Variants in PGP observed in about 807,000 individuals in gnomAD.
PGP encodes aspartate-based ubiquitous Mg(2+)-dependent phosphatase.
In PGP, 9 loss-of-function variants were observed where a neutral mutation model predicts 19.3. That is an observed-to-expected ratio of 0.47 (90% CI 0.28 to 0.81). The LOEUF (loss-of-function observed/expected upper bound fraction) is 0.81. Among genes scored for constraint, PGP ranks in the 40% least tolerant of loss-of-function variants. The pLI, the probability that PGP is intolerant of heterozygous loss-of-function variation, is 0.11. For synonymous variants in PGP, 308 were observed against 226.8 expected, an observed-to-expected ratio of 1.36 and a Z score of -3.22; for missense variants, 403 against 479.9, an observed-to-expected ratio of 0.84 and a Z score of 1.50.
Position 2,212,615 on chromosome 16 carries a change from A to G in PGP, c.*1113T>C. 1.0e-6 allele frequency: 1 copy of G among 985,466 alleles called. No individual in the cohort carries two copies. Among genetic ancestry groups the G allele is most frequent in the Non-Finnish European group, 1.2e-6 (1 of 829,936 alleles). 61.0% of individuals were successfully genotyped at this position (985,466 alleles called of 1,614,324 possible). On this transcript the variant is annotated 3_prime_UTR_variant, in exon 2 of 2. Transcript: ENST00000333503. ...CTCTAACCCCTACCCCAGCCTAGGG[A>G]AGGGGAGGACAGGAAGAGACTGGAT...
Position 2,214,752 on chromosome 16 carries a change from T to C in PGP, c.26A>G (p.Asp9Gly), listed in dbSNP as rs1252144033. 214 of 1,179,254 alleles carry C rather than the reference T, an allele frequency of 1.8e-4. No homozygotes were observed. Among genetic ancestry groups the C allele is most frequent in the Non-Finnish European group, 2.1e-4 (199 of 953,556 alleles). The allele number at this position is 1,179,254 out of a possible 1,614,324, so 73.0% of individuals were successfully genotyped here. A position where few individuals can be genotyped will look rare whatever the true frequency, so the allele number is the denominator to read the frequency against. The change falls in exon 1 of 2, where the codon GAC becomes GGC. Residue 9 changes from aspartate (D) to glycine (G), a missense_variant. Coordinates refer to ENST00000333503, the MANE Select transcript of PGP (RefSeq NM_001042371.3). This position sits in a 1 kb window ranked among gnomAD's most constrained non-coding sequence, Gnocchi z 7.1. MAAAEAGGDDARCVRLSAE... is the reference protein window; with the variant it reads MAAAEAGGGDARCVRLSAE... ...GCTCAGCCGCACGCAGCGGGCGTCG[T>C]CGCCACCGGCCTCCGCCGCCGCCAT...
chr16:2,214,650 T>C lies in PGP; in HGVS notation c.128A>G (p.Glu43Gly). The C allele has an allele frequency of 6.9e-7, 1 of 1,442,850 alleles. No individual in the cohort carries two copies. The highest frequency in any genetic ancestry group is 9.1e-7 in the Non-Finnish European group (1 of 1,099,890). 89.4% of individuals were successfully genotyped at this position (1,442,850 alleles called of 1,614,324 possible). ...FDCDGVLWRG[E>G]TAVPGAPEAL... ...CTCGGGCGCGCCAGGCACGGCGGTCTCCCCGCGCCACAGCACGCCGTCGCA... is the reference window on the plus strand; with the variant it reads ...CTCGGGCGCGCCAGGCACGGCGGTCCCCCCGCGCCACAGCACGCCGTCGCA... Residue 43 changes from glutamate (E) to glycine (G), a missense_variant, in exon 1 of 2, where the codon GAG becomes GGG. Physicochemically the swap from Glu to Gly is moderately conservative, Grantham distance 98. Coordinates refer to ENST00000333503, the MANE Select transcript of PGP (RefSeq NM_001042371.3). This position sits in a 1 kb window ranked among gnomAD's most constrained non-coding sequence, Gnocchi z 7.1.
In PGP at chr16:2,211,930, C is replaced by T. The variant is rs928079957; in HGVS notation, c.*1798G>A. The T allele has an allele frequency of 1.1e-5, 11 of 985,426 alleles. No individual in the cohort carries two copies. The highest frequency in any genetic ancestry group is 1.3e-5 in the Non-Finnish European group (11 of 829,998). 61.0% of individuals were successfully genotyped at this position (985,426 alleles called of 1,614,324 possible). On this transcript the variant is annotated 3_prime_UTR_variant, in exon 2 of 2. Coordinates refer to ENST00000333503, the MANE Select transcript of PGP (RefSeq NM_001042371.3). ...CAGTTACCCATCTACTTTGAGTCCT[C>T]CCACCCGTGGTGAGACGGCATCACC...
In PGP at chr16:2,213,155, G is replaced by A; in HGVS notation, c.*573C>T. The stretch of plus-strand genomic sequence containing the variant: ...GTTTTCAAGGAAGTAAGGGAGGTGG[G>A]AGAGTGGTGAGGGCAGCACTTTGCA... On this transcript the variant is annotated 3_prime_UTR_variant, in exon 2 of 2. Coordinates refer to ENST00000333503, the MANE Select transcript of PGP (RefSeq NM_001042371.3). 1.0e-6 allele frequency: 1 copy of A among 985,500 alleles called. No homozygotes were observed. Among genetic ancestry groups the A allele is most frequent in the Non-Finnish European group, 1.2e-6 (1 of 829,942 alleles). 61.0% of individuals were successfully genotyped at this position (985,500 alleles called of 1,614,324 possible).
rs776300620 is a variant in PGP, at chr16:2,213,752, G to A, written c.942C>T (p.Asp314=). ...TTTAACCTTGAAGGGCAGGCAAAAG[G>A]TCGGCTATGCTGTCAACATAGAAGT... ...VPDFYVDSIA[D]LLPALQG Residue 314 remains aspartate (D), a synonymous_variant, in exon 2 of 2, where the codon GAC becomes GAT. Transcript: ENST00000333503. 9.7e-6 allele frequency: 15 copies of A among 1,545,904 alleles called. No individual in the cohort carries two copies. In the Admixed American group the frequency reaches 2.0e-4, roughly 21 times the overall value.
chr16:2,212,303 G>A lies in PGP; in HGVS notation c.*1425C>T, dbSNP rs2093377328. On this transcript the variant is annotated 3_prime_UTR_variant, in exon 2 of 2. Coordinates refer to ENST00000333503, the MANE Select transcript of PGP (RefSeq NM_001042371.3). Reference sequence around the variant, plus strand: ...CTGAAGGCTCAGGACGCCTCTTATTGCTCTGAAGTCTTTGTGACCAAGTGG... The same window carrying A: ...CTGAAGGCTCAGGACGCCTCTTATTACTCTGAAGTCTTTGTGACCAAGTGG... 1 of 985,936 alleles carries A rather than the reference G, an allele frequency of 1.0e-6. No homozygotes were observed. Among genetic ancestry groups the A allele is most frequent in the African/African-American group, 1.7e-5 (1 of 57,250 alleles). 61.1% of individuals were successfully genotyped at this position (985,936 alleles called of 1,614,324 possible). A position where few individuals can be genotyped will look rare whatever the true frequency, so the allele number is the denominator to read the frequency against.
Position 2,214,122 on chromosome 16 carries a change from C to A in PGP, c.640+16G>T. The A allele has an allele frequency of 6.4e-7, 1 of 1,552,038 alleles. No individual in the cohort carries two copies. The highest frequency in any genetic ancestry group is 2.4e-5 in the East Asian group (1 of 41,940). On this transcript the variant is annotated intron_variant, in intron 1 of 1. Coordinates refer to ENST00000333503, the MANE Select transcript of PGP (RefSeq NM_001042371.3). The surrounding 1 kb of genome is among the most constrained non-coding windows in gnomAD (Gnocchi z 7.1). ...CGCCGCCCGCCCCCCAGCCTCCCGCCCCAGGGCGCACGGACCCGCGATGAA... is the reference window on the plus strand; with the variant it reads ...CGCCGCCCGCCCCCCAGCCTCCCGCACCAGGGCGCACGGACCCGCGATGAA...
chr16:2,213,746 C>A lies in PGP; in HGVS notation c.948G>T (p.Leu316Phe). 1 of 1,539,278 alleles carries A rather than the reference C, an allele frequency of 6.5e-7. No homozygotes were observed. Among genetic ancestry groups the A allele is most frequent in the Non-Finnish European group, 8.8e-7 (1 of 1,139,508 alleles). ...DFYVDSIADL[L>F]PALQG is the part of the protein sequence containing the mutation. ...TCAATCTTTAACCTTGAAGGGCAGGCAAAAGGTCGGCTATGCTGTCAACAT... is the reference window on the plus strand; with the variant it reads ...TCAATCTTTAACCTTGAAGGGCAGGAAAAAGGTCGGCTATGCTGTCAACAT... Residue 316 changes from leucine to phenylalanine, a missense_variant, in exon 2 of 2, where the codon TTG becomes TTT. Coordinates refer to ENST00000333503, the MANE Select transcript of PGP (RefSeq NM_001042371.3).
chr16:2,214,094 G>GGGGGGCCCCCCCCCCCC lies in PGP; in HGVS notation c.641-42_641-41insGGGGGGGGGGGGCCCCC. ...GACCGGGTCAAAGGGCAGGGAGGGG[G>GGGGGGCCCCCCCCCCCC]CCCGCCGCCCGCCCCCCAGCCTCCC... On this transcript the variant is annotated intron_variant, in intron 1 of 1. Transcript: ENST00000333503. The surrounding 1 kb of genome is among the most constrained non-coding windows in gnomAD (Gnocchi z 7.1). The GGGGGGCCCCCCCCCCCC allele has an allele frequency of 6.5e-7, 1 of 1,544,856 alleles. No homozygotes were observed. Among genetic ancestry groups the GGGGGGCCCCCCCCCCCC allele is most frequent in the African/African-American group, 1.4e-5 (1 of 73,284 alleles).
Position 2,212,341 on chromosome 16 carries a change from G to A in PGP, c.*1387C>T, listed in dbSNP as rs573391318. 5.6e-4 allele frequency: 552 copies of A among 986,024 alleles called. No homozygotes were observed. The highest frequency in any genetic ancestry group is 6.5e-4 in the Non-Finnish European group (537 of 830,258). 61.1% of individuals were successfully genotyped at this position (986,024 alleles called of 1,614,324 possible). On this transcript the variant is annotated 3_prime_UTR_variant, in exon 2 of 2. Transcript: ENST00000333503. ...TGTGACCAAGTGGAGTGCTGTGACTGTGGGGCCAAGAGAGAAGCTGCCAGG... is the reference window on the plus strand; with the variant it reads ...TGTGACCAAGTGGAGTGCTGTGACTATGGGGCCAAGAGAGAAGCTGCCAGG...
rs1000631882 is a variant in PGP at position 2,213,071 on chromosome 16, C to A, written c.*657G>T. On this transcript the variant is annotated 3_prime_UTR_variant, in exon 2 of 2. Coordinates refer to ENST00000333503, the MANE Select transcript of PGP (RefSeq NM_001042371.3). ...CTTTAGCTGGGCTGCGTTTACAGAA[C>A]TGGGCAGCAGCCCTGGGTATCTGAA... is the stretch of plus-strand genomic sequence containing the variant. The A allele has an allele frequency of 1.0e-6, 1 of 985,498 alleles. No homozygotes were observed. The highest frequency in any genetic ancestry group is 1.2e-6 in the Non-Finnish European group (1 of 829,932). The allele number at this position is 985,498 out of a possible 1,614,324, so 61.0% of individuals were successfully genotyped here.
rs573517997 is a variant in PGP at position 2,211,645 on chromosome 16, T to C, written c.*2083A>G. The C allele has an allele frequency of 1.0e-6, 1 of 967,426 alleles. No homozygotes were observed. The highest frequency in any genetic ancestry group is 1.2e-6 in the Non-Finnish European group (1 of 813,622). 59.9% of individuals were successfully genotyped at this position (967,426 alleles called of 1,614,324 possible). ...TTTGGCCAGGCTGGTCTTGAACTCC[T>C]GATCTCAAGTAATCCACCTGCCTCA... On this transcript the variant is annotated 3_prime_UTR_variant, in exon 2 of 2. Transcript: ENST00000333503.
At position 2,214,355 on chromosome 16, in the gene PGP, C is replaced by G; in HGVS notation, c.423G>C (p.Val141=). Residue 141 remains valine (V), a synonymous_variant, in exon 1 of 2, where the codon GTG becomes GTC. Transcript: ENST00000333503. This position sits in a 1 kb window ranked among gnomAD's most constrained non-coding sequence, Gnocchi z 7.1. ...CCTGCAGTGGCTCGGGCCCCACGCC[C>G]ACGCTGGCGACGCCCACGGCCTCCA... ...AELEAVGVAS[V]GVGPEPLQGE... 1 of 1,509,802 alleles carries G rather than the reference C, an allele frequency of 6.6e-7. No homozygotes were observed. Among genetic ancestry groups the G allele is most frequent in the Non-Finnish European group, 8.8e-7 (1 of 1,136,674 alleles). The allele number at this position is 1,509,802 out of a possible 1,614,324, so 93.5% of individuals were successfully genotyped here. A position where few individuals can be genotyped will look rare whatever the true frequency, so the allele number is the denominator to read the frequency against.
Position 2,213,026 on chromosome 16 carries a change from GCA to G in PGP, c.*700_*701del, listed in dbSNP as rs2093379258. ...CCGTCCAAATCACCTGGGTATAAATGCACACTTGAGACAGCAGAGCTTTAGCT... is the reference window on the plus strand; with the variant it reads ...CCGTCCAAATCACCTGGGTATAAATGCACTTGAGACAGCAGAGCTTTAGCT... On this transcript the variant is annotated 3_prime_UTR_variant, in exon 2 of 2. Transcript: ENST00000333503. The G allele has an allele frequency of 2.3e-5, 23 of 985,430 alleles. No homozygotes were observed. The highest frequency in any genetic ancestry group is 2.7e-5 in the Non-Finnish European group (22 of 829,978). The allele number at this position is 985,430 out of a possible 1,614,324, so 61.0% of individuals were successfully genotyped here.
chr16:2,214,440 A>C lies in PGP; in HGVS notation c.338T>G (p.Leu113Arg). The C allele has an allele frequency of 7.5e-7, 1 of 1,330,732 alleles. No homozygotes were observed. Among genetic ancestry groups the C allele is most frequent in the Non-Finnish European group, 9.5e-7 (1 of 1,049,632 alleles). 82.4% of individuals were successfully genotyped at this position (1,330,732 alleles called of 1,614,324 possible). ...GGCCTTGGGCGCGGGGGCGCCGGCCAGGCGCTGGCGCAGGTAGAGCGCGGT... is the reference window on the plus strand; with the variant it reads ...GGCCTTGGGCGCGGGGGCGCCGGCCCGGCGCTGGCGCAGGTAGAGCGCGGT... ...YCTALYLRQR[L>R]AGAPAPKAYV... is the part of the protein sequence containing the mutation. Residue 113 changes from leucine to arginine, a missense_variant, in exon 1 of 2, where the codon CTG (leucine) becomes CGG (arginine). Physicochemically the swap from Leu to Arg is moderately radical, Grantham distance 102. Coordinates refer to ENST00000333503, the MANE Select transcript of PGP (RefSeq NM_001042371.3). This position sits in a 1 kb window ranked among gnomAD's most constrained non-coding sequence, Gnocchi z 7.1.
At position 2,212,029 on chromosome 16, in the gene PGP, CCA is replaced by C; in HGVS notation, c.*1697_*1698del. 1.0e-6 allele frequency: 1 copy of C among 985,524 alleles called. No homozygotes were observed. The highest frequency in any genetic ancestry group is 1.2e-6 in the Non-Finnish European group (1 of 829,966). 61.0% of individuals were successfully genotyped at this position (985,524 alleles called of 1,614,324 possible). On this transcript the variant is annotated 3_prime_UTR_variant, in exon 2 of 2. Transcript: ENST00000333503. ...GAGAGTTTAATCTGTGCTCTGGCGC[CCA>C]CAGTGCTGCAGCCCCTCATGGGCCA...
Position 2,212,597 on chromosome 16 carries a change from C to T in PGP, c.*1131G>A, listed in dbSNP as rs1039417200. Reference sequence around the variant, plus strand: ...ACCTCCTGGGCCACCAGTCTCTAACCCCTACCCCAGCCTAGGGAAGGGGAG... The same window carrying T: ...ACCTCCTGGGCCACCAGTCTCTAACTCCTACCCCAGCCTAGGGAAGGGGAG... On this transcript the variant is annotated 3_prime_UTR_variant, in exon 2 of 2. Transcript: ENST00000333503. The T allele has an allele frequency of 2.0e-6, 2 of 985,372 alleles. No homozygotes were observed. Among genetic ancestry groups the T allele is most frequent in the Non-Finnish European group, 1.2e-6 (1 of 829,944 alleles). 61.0% of individuals were successfully genotyped at this position (985,372 alleles called of 1,614,324 possible).
rs2093381043 is a variant in PGP at position 2,213,695 on chromosome 16, T to C, written c.*33A>G. 1 of 1,482,192 alleles carries C rather than the reference T, an allele frequency of 6.7e-7. No homozygotes were observed. The highest frequency in any genetic ancestry group is 1.4e-5 in the African/African-American group (1 of 70,350). 91.8% of individuals were successfully genotyped at this position (1,482,192 alleles called of 1,614,324 possible). ...TGGGTAACTGGTTTTCAATTTCTTT[T>C]TTTTTATTCTGCAGATTAAAGACAC... On this transcript the variant is annotated 3_prime_UTR_variant, in exon 2 of 2. Transcript: ENST00000333503.
Position 2,214,723 on chromosome 16 carries a change from C to T in PGP, c.55G>A (p.Glu19Lys). ...DDARCVRLSA[E>K]RAQALLADVD... ...TCGGCCAGCAGCGCCTGTGCCCGCT[C>T]GGCGCTCAGCCGCACGCAGCGGGCG... The change falls in exon 1 of 2, where the codon GAG (glutamate) becomes AAG (lysine). Residue 19 changes from glutamate (E) to lysine (K), a missense_variant. Physicochemically the swap from Glu to Lys is moderately conservative, Grantham distance 56. Coordinates refer to ENST00000333503, the MANE Select transcript of PGP (RefSeq NM_001042371.3). The surrounding 1 kb of genome is among the most constrained non-coding windows in gnomAD (Gnocchi z 7.1). 2.3e-6 allele frequency: 3 copies of T among 1,304,272 alleles called. No individual in the cohort carries two copies. Among genetic ancestry groups the T allele is most frequent in the Non-Finnish European group, 2.9e-6 (3 of 1,024,894 alleles). The allele number at this position is 1,304,272 out of a possible 1,614,324, so 80.8% of individuals were successfully genotyped here. A position where few individuals can be genotyped will look rare whatever the true frequency, so the allele number is the denominator to read the frequency against.
Sources: gnomAD v4.1 joint callset for allele counts on GRCh38, gnomAD v4.1.1 for gene constraint, Gnocchi (gnomAD v3.1) non-coding constraint, MANE v1.5 for transcripts, NCBI Gene and HGNC (gene_info 2026-07-23, HGNC 2026-07-21) for gene names.